The following TMEM178B variants were observed in gnomAD, a reference collection of about 807,000 sequenced individuals.
The protein encoded by TMEM178B is transmembrane protein 178B.
In TMEM178B, 5 loss-of-function variants were observed where a neutral mutation model predicts 31.0. The observed-to-expected ratio is 0.16, with a 90% CI of 0.08 to 0.34. The LOEUF is 0.34. Among genes scored for constraint, TMEM178B ranks in the 10% least tolerant of loss-of-function variants. The probability of loss-of-function intolerance (pLI) is 1.00; values close to 1 mark genes in which losing one functional copy is unlikely to be tolerated. For missense variants in TMEM178B, 275 were observed against 400.3 expected (o/e 0.69, Z 2.67); for synonymous variants, 164 against 164.0 (o/e 1.00, Z 0.00).
the TMEM178B span, among the ~76,000 whole-genome samples, chr7:141,485,809 C>T: frequency 6.6e-6 from 1 of 152,214 alleles, no homozygotes. Flanking sequence ...GATTGGGCTG[C>T]AGCCCCTACG....
At chr7:141,419,949 A>G (rs942567707) in intron 2 of TMEM178B, among the ~76,000 whole-genome samples, 1 of 152,188 alleles carries the variant, frequency 6.6e-6, no homozygotes. Flanking sequence ...TCTCCTATTC[A>G]TCAAATATGA....
intron 2 of TMEM178B, among the ~76,000 whole-genome samples, chr7:141,289,508 G>T (rs190204019): frequency 6.6e-6 from 1 of 152,188 alleles, no homozygotes; most frequent in Non-Finnish European, 1.5e-5. Flanking sequence ...ATGAGGTCAG[G>T]AGTTTGAGGC....
chr7:141,470,509 T>C (rs931166302), intron 3 of TMEM178B, 27 bp from the exon 4 acceptor site: 3 of 1,470,550 alleles, frequency 2.0e-6, no homozygotes, highest in Admixed American at 2.2e-5. Context: ...CATTTCCCCA[T>C]CCTGTGTCTT....
intron 1 of TMEM178B, among the ~76,000 whole-genome samples, chr7:141,144,124 G>A (rs2129179591): frequency 6.6e-6 from 1 of 152,316 alleles, no homozygotes; most frequent in South Asian, 2.1e-4. Flanking sequence ...CCTTTTGGCA[G>A]AATCTTAGGA....
chr7:141,091,344 G>C (rs1056286547), intron 1 of TMEM178B, among the ~76,000 whole-genome samples: 5 of 152,160 alleles, frequency 3.3e-5, no homozygotes, highest in African/African-American at 1.2e-4. Context: ...CTGGAAAACT[G>C]TCTCTTGTTA....
intron 2 of TMEM178B, among the ~76,000 whole-genome samples, chr7:141,412,485 T>C (rs1801008944): frequency 6.6e-6 from 1 of 152,194 alleles, no homozygotes; most frequent in Non-Finnish European, 1.5e-5. Context: ...CTTGGGATCA[T>C]GGGCCCAAGA....
chr7:141,077,476 C>T (rs1794617781), intron 1 of TMEM178B, among the ~76,000 whole-genome samples: 1 of 152,146 alleles, frequency 6.6e-6, no homozygotes, highest in African/African-American at 2.4e-5. Context: ...AATAAGAAAA[C>T]GAACATCAAA....
chr7:141,176,621 T>G (rs1305366157), intron 1 of TMEM178B, among the ~76,000 whole-genome samples: 2 of 152,222 alleles, frequency 1.3e-5, no homozygotes, highest in Non-Finnish European at 2.9e-5. Flanking sequence ...TATTAATTGC[T>G]GCCTCAATTT....
At chr7:141,432,903 A>T (rs1368358529) in intron 2 of TMEM178B, among the ~76,000 whole-genome samples, 3 of 152,126 alleles carry the variant, frequency 2.0e-5, no homozygotes, top group African/African-American at 7.2e-5. Flanking sequence ...GGGCACTGCT[A>T]GTGTCTGTAG....
At chr7:141,404,640 C>T (rs1347677010) in intron 2 of TMEM178B, among the ~76,000 whole-genome samples, 2 of 152,154 alleles carry the variant, frequency 1.3e-5, no homozygotes, top group Non-Finnish European at 2.9e-5. Flanking sequence ...TCTCGAGATC[C>T]TCCATTCAAT....
chr7:141,410,660 G>A lies in TMEM178B; in HGVS notation c.497-26948G>A, dbSNP rs1800968777. Among the ~76,000 whole-genome samples the A allele has an allele frequency of 2.0e-5, 3 of 151,898 alleles. No individual in the cohort carries two copies. The South Asian group carries it at 6.3e-4, about 32-fold the overall frequency. Reference sequence around the variant, plus strand: ...CTAGAAATCGCAGCCTCAGAGGTGCGGTGACTTATAAAGTCCTCAGCGGAG... The same window carrying A: ...CTAGAAATCGCAGCCTCAGAGGTGCAGTGACTTATAAAGTCCTCAGCGGAG... On this transcript the variant is annotated intron_variant, in intron 2 of 3. Coordinates refer to ENST00000565468, the MANE Select transcript of TMEM178B (RefSeq NM_001195278.2).
At chr7:141,099,348 G>C (rs2129173383) in intron 1 of TMEM178B, among the ~76,000 whole-genome samples, 1 of 152,228 alleles carries the variant, frequency 6.6e-6, no homozygotes, top group South Asian at 2.1e-4. Context: ...TAAACTATTA[G>C]GTAAGATGAG....
chr7:141,387,823 C>G (rs1195390057), intron 2 of TMEM178B, among the ~76,000 whole-genome samples: 1 of 152,192 alleles, frequency 6.6e-6, no homozygotes, highest in Non-Finnish European at 1.5e-5. Context: ...TCCACCCACT[C>G]TTGCTCTGTT....
intron 2 of TMEM178B, among the ~76,000 whole-genome samples, chr7:141,429,541 A>G (rs1253275761): frequency 6.6e-6 from 1 of 152,194 alleles, no homozygotes; most frequent in South Asian, 2.1e-4. Context: ...TGGTGTGGTT[A>G]GAGGTTAGGA....
chr7:141,248,692 T>C (rs1251335244), intron 2 of TMEM178B, among the ~76,000 whole-genome samples: 3 of 152,154 alleles, frequency 2.0e-5, no homozygotes, highest in Non-Finnish European at 2.9e-5. Context: ...AAAATGATAC[T>C]TCTGTATAGA....
intron 1 of TMEM178B, among the ~76,000 whole-genome samples, chr7:141,197,645 GT>G (rs1417702804): frequency 6.6e-6 from 1 of 151,794 alleles, no homozygotes; most frequent in Non-Finnish European, 1.5e-5. Context: ...TTTGTTTTTT[GT>G]TTTTGAGATG....
At chr7:141,220,954 A>G (rs1797247951) in intron 2 of TMEM178B, among the ~76,000 whole-genome samples, 1 of 152,212 alleles carries the variant, frequency 6.6e-6, no homozygotes, top group Non-Finnish European at 1.5e-5. Flanking sequence ...CCAGGTGCCA[A>G]CCAGGTAAGG....
chr7:141,166,360 C>T (rs1243123733), intron 1 of TMEM178B, among the ~76,000 whole-genome samples: 6 of 152,198 alleles, frequency 3.9e-5, no homozygotes, highest in Admixed American at 2.0e-4. Context: ...TCCTCTGTGT[C>T]GGAATCCCAA....
intron 2 of TMEM178B, among the ~76,000 whole-genome samples, chr7:141,418,408 C>A (rs1188659401): frequency 6.6e-6 from 1 of 152,134 alleles, no homozygotes; most frequent in Non-Finnish European, 1.5e-5. Context: ...GGAAAAAAAA[C>A]ATGCTGTAGT....
Sources: gnomAD v4.1 joint callset for allele counts (sites outside exome capture counted in the v4.1 genomes callset) on GRCh38, gnomAD v4.1.1 for gene constraint, MANE v1.5 for transcripts, NCBI Gene and HGNC (gene_info 2026-07-23, HGNC 2026-07-21) for gene names.